OCA2: variants seen among roughly 807,000 people sequenced by gnomAD.
The protein encoded by OCA2 is OCA2 melanosomal transmembrane protein, also known as P protein.
OCA2 carries 77 observed loss-of-function variants against 100.2 expected under a neutral mutation model. That is an observed-to-expected ratio of 0.77 (90% confidence interval 0.64 to 0.93). The LOEUF (loss-of-function observed/expected upper bound fraction) is 0.93. Among genes scored for constraint, OCA2 ranks in the 40% least tolerant of loss-of-function variants. OCA2 has a pLI of 0.00. For synonymous variants in OCA2, 432 were observed against 439.2 expected, an observed-to-expected ratio of 0.98 and a Z score of 0.21; for missense variants, 1,062 against 1,089.1, an observed-to-expected ratio of 0.98 and a Z score of 0.35.
intron 9 of OCA2, among the ~76,000 whole-genome samples, chr15:28,001,958 C>T (rs186615973): frequency 5.9e-5 from 9 of 152,290 alleles, no homozygotes; most frequent in African/African-American, 1.4e-4. Context: ...GCCGGGCTCA[C>T]GGCACTCTGC....
chr15:27,982,066 T>TTTTG (rs10666745), intron 14 of OCA2, among the ~76,000 whole-genome samples: 31,719 of 151,922 alleles, frequency 0.21, 4,877 homozygotes, highest in East Asian at 0.85. Flanking sequence ...TTTGGTTTAT[T>TTTTG]TTTGTTTTGT....
Position 27,985,063 on chromosome 15 carries a change from C to A in OCA2, c.1364+1G>T, listed in dbSNP as rs781496519. On this transcript the variant is annotated splice_donor_variant, in intron 13 of 23. Transcript: ENST00000354638. LOFTEE classifies it high-confidence loss of function. Reference sequence around the variant, plus strand: ...TCCCACGGCAGAGGTGCTTTGCGTACCTTATGGTCACAGGCGTGAAGAGGA... The same window carrying A: ...TCCCACGGCAGAGGTGCTTTGCGTAACTTATGGTCACAGGCGTGAAGAGGA... The A allele has an allele frequency of 1.2e-6, 2 of 1,613,706 alleles. No individual in the cohort carries two copies. The highest frequency in any genetic ancestry group is 8.5e-7 in the Non-Finnish European group (1 of 1,179,880).
intron 9 of OCA2, 94 bp downstream of exon 9, chr15:28,014,682 G>T: frequency 7.4e-7 from 1 of 1,347,056 alleles, no homozygotes; most frequent in Non-Finnish European, 1.0e-6. Context: ...TTTGATTAAG[G>T]AGTCAGGACT....
chr15:27,966,914 G>T, intron 14 of OCA2, 92 bp from the exon 15 acceptor site: 1 of 1,402,118 alleles, frequency 7.1e-7, no homozygotes, highest in Non-Finnish European at 9.9e-7. Flanking sequence ...TGGATCACGA[G>T]GTCCGGAGAT....
intron 19 of OCA2, chr15:27,896,297 GAA>G: frequency 9.4e-7 from 1 of 1,060,034 alleles, no homozygotes; most frequent in South Asian, 1.2e-5. Context: ...TCATGGGCCA[GAA>G]TGTTGCAGAT....
chr15:27,922,382 T>G (rs2038889177), intron 19 of OCA2, among the ~76,000 whole-genome samples: 1 of 152,256 alleles, frequency 6.6e-6, no homozygotes, highest in African/African-American at 2.4e-5. Flanking sequence ...ATATAGCATC[T>G]TAAGTAGATC....
intron 21 of OCA2, among the ~76,000 whole-genome samples, chr15:27,864,304 T>C (rs908271754): frequency 2.0e-5 from 3 of 152,342 alleles, no homozygotes; most frequent in Admixed American, 6.5e-5. Flanking sequence ...CCTGAGCTGC[T>C]AATAGTGCCA....
intron 19 of OCA2, among the ~76,000 whole-genome samples, chr15:27,893,582 C>T (rs2037556960): frequency 6.6e-6 from 1 of 152,018 alleles, no homozygotes; most frequent in Non-Finnish European, 1.5e-5. Context: ...GAATGCATTC[C>T]TGGGGGGAGG....
At chr15:27,987,126 T>C (rs1355850315) in intron 11 of OCA2, among the ~76,000 whole-genome samples, 1 of 152,180 alleles carries the variant, frequency 6.6e-6, no homozygotes. Flanking sequence ...ATTAAACTGA[T>C]TTTTGTCACC....
intron 2 of OCA2, among the ~76,000 whole-genome samples, chr15:28,037,641 C>G (rs2043082380): frequency 6.6e-6 from 1 of 152,188 alleles, no homozygotes; most frequent in African/African-American, 2.4e-5. Flanking sequence ...CAAGTACTTT[C>G]TATGTTAGGC....
At chr15:27,747,969 A>G in the OCA2 span, among the ~76,000 whole-genome samples, 1 of 152,162 alleles carries the variant, frequency 6.6e-6, no homozygotes, top group African/African-American at 2.4e-5. Context: ...AGGAGGAAAA[A>G]TATAGTGGTG....
At chr15:28,037,046 G>A (rs1383986532) in intron 2 of OCA2, among the ~76,000 whole-genome samples, 2 of 152,070 alleles carry the variant, frequency 1.3e-5, no homozygotes, top group Non-Finnish European at 2.9e-5. Context: ...CAAGTCATAT[G>A]CAGGCTCTTT....
rs1353801317 is a variant in OCA2 at position 28,005,220 on chromosome 15, T to G, written c.1044+9556A>C. 3.3e-5 allele frequency among the ~76,000 whole-genome samples: 5 copies of G among 152,122 alleles called. No individual in the cohort carries two copies. In the East Asian group the frequency reaches 5.8e-4, roughly 18 times the overall value. On this transcript the variant is annotated intron_variant, in intron 9 of 23. Coordinates refer to ENST00000354638, the MANE Select transcript of OCA2 (RefSeq NM_000275.3). ...CAGAAGGAGGCTGATTCCATGGAAA[T>G]GGCTGTGATTCCACAGAAAGGGCTG...
chr15:27,904,376 C>A (rs975982151), intron 19 of OCA2, among the ~76,000 whole-genome samples: 2 of 152,144 alleles, frequency 1.3e-5, no homozygotes, highest in Admixed American at 1.3e-4. Context: ...AGAAGAGATG[C>A]GCAGATGAGC....
chr15:27,936,151 C>G (rs1255868378), intron 18 of OCA2, among the ~76,000 whole-genome samples: 1 of 152,232 alleles, frequency 6.6e-6, no homozygotes, highest in Admixed American at 6.5e-5. Context: ...CACAGCTACA[C>G]TGTGGTTGTT....
At chr15:27,907,379 C>G (rs2038217457) in intron 19 of OCA2, among the ~76,000 whole-genome samples, 1 of 151,712 alleles carries the variant, frequency 6.6e-6, no homozygotes, top group African/African-American at 2.4e-5. Flanking sequence ...GCATTTAAAG[C>G]AGTAATCAGA....
At chr15:27,857,967 GA>G (rs1171579247) in intron 21 of OCA2, among the ~76,000 whole-genome samples, 1 of 148,704 alleles carries the variant, frequency 6.7e-6, no homozygotes, top group African/African-American at 2.5e-5. Flanking sequence ...AAAATATACA[GA>G]AAATTAAAAC....
At position 28,028,069 on chromosome 15, in the gene OCA2, A is replaced by C; in HGVS notation, c.327-10T>G. ...AGGTATGCACCGTGACCTGGAAAGC[A>C]AGAGAGGTGTGGTTATCTCTCCTGA... On this transcript the variant is annotated splice_polypyrimidine_tract_variant and intron_variant, in intron 3 of 23. Coordinates refer to ENST00000354638, the MANE Select transcript of OCA2 (RefSeq NM_000275.3). The C allele has an allele frequency of 6.2e-7, 1 of 1,614,204 alleles. No individual in the cohort carries two copies. Among genetic ancestry groups the C allele is most frequent in the Non-Finnish European group, 8.5e-7 (1 of 1,180,000 alleles).
chr15:27,721,733 C>G, the OCA2 span, among the ~76,000 whole-genome samples: 184 of 152,268 alleles, frequency 1.2e-3, no homozygotes, highest in African/African-American at 4.2e-3. Flanking sequence ...GTAATTTACA[C>G]AGATCTGTAA....
Sources: allele counts gnomAD v4.1 joint callset (sites outside exome capture counted in the v4.1 genomes callset), GRCh38; gene constraint gnomAD v4.1.1; transcripts MANE v1.5; gene names NCBI Gene and HGNC (gene_info 2026-07-23, HGNC 2026-07-21).